The following PITPNC1 variants were observed in gnomAD, a reference collection of about 807,000 sequenced individuals.
The protein encoded by PITPNC1 is cytoplasmic phosphatidylinositol transfer protein 1.
In PITPNC1, 18 loss-of-function variants were observed where a neutral mutation model predicts 44.7. The ratio of observed to expected loss-of-function variants is 0.40; its 90% CI spans 0.28 to 0.60. The LOEUF (loss-of-function observed/expected upper bound fraction) is 0.60, where lower values mean the gene tolerates loss of function less well. PITPNC1 is among the 20% of genes least tolerant of loss of function. PITPNC1 has a pLI of 0.39. For synonymous variants in PITPNC1, 141 were observed against 149.6 expected (o/e 0.94, Z 0.42); for missense variants, 290 against 418.4 (o/e 0.69, Z 2.68).
chr17:67,592,587 C>T (rs1333255582), intron 5 of PITPNC1, among the ~76,000 whole-genome samples: 1 of 152,126 alleles, frequency 6.6e-6, no homozygotes, highest in Non-Finnish European at 1.5e-5. Flanking sequence ...ATAACAAAAT[C>T]ATATGAAAGA....
intron 8 of PITPNC1, among the ~76,000 whole-genome samples, chr17:67,690,826 T>C (rs905151299): frequency 3.9e-5 from 6 of 152,040 alleles, no homozygotes; most frequent in African/African-American, 1.4e-4. Context: ...GTAATAAGGC[T>C]GGGCACGGTG....
At chr17:67,449,265 G>A (rs921158712) in intron 1 of PITPNC1, among the ~76,000 whole-genome samples, 8 of 152,046 alleles carry the variant, frequency 5.3e-5, no homozygotes, top group Non-Finnish European at 1.0e-4. Flanking sequence ...TTCCTTTTCC[G>A]TGTTCTAGTT....
At chr17:67,493,358 C>T (rs1306628592) in intron 1 of PITPNC1, among the ~76,000 whole-genome samples, 1 of 152,188 alleles carries the variant, frequency 6.6e-6, no homozygotes, top group Non-Finnish European at 1.5e-5. Context: ...TAACCCATCG[C>T]TGGAGTGATG....
At chr17:67,567,856 C>T (rs565946183) in intron 4 of PITPNC1, among the ~76,000 whole-genome samples, 2 of 152,118 alleles carry the variant, frequency 1.3e-5, no homozygotes, top group South Asian at 2.1e-4. Flanking sequence ...GCCTGTAATC[C>T]CAGCTAGTCT....
intron 1 of PITPNC1, chr17:67,379,495 C>G: frequency 2.3e-6 from 1 of 430,894 alleles, no homozygotes; most frequent in Non-Finnish European, 3.1e-6. Context: ...CAGCTTCCAC[C>G]AGAATGAACA....
chr17:67,487,074 A>G (rs1178809916), intron 1 of PITPNC1, among the ~76,000 whole-genome samples: 1 of 152,174 alleles, frequency 6.6e-6, no homozygotes. Flanking sequence ...ATGTAGCTGT[A>G]TGAAAAAGAA....
intron 6 of PITPNC1, among the ~76,000 whole-genome samples, chr17:67,639,985 G>T (rs1380506891): frequency 6.6e-6 from 1 of 152,136 alleles, no homozygotes; most frequent in East Asian, 1.9e-4. Flanking sequence ...TTTGAGGGTG[G>T]TAAAGATTTT....
At chr17:67,507,554 A>G (rs1262216027) in intron 1 of PITPNC1, among the ~76,000 whole-genome samples, 2 of 151,696 alleles carry the variant, frequency 1.3e-5, no homozygotes, top group African/African-American at 2.4e-5. Context: ...GCGTGGTGGC[A>G]TGCATTTATA....
intron 1 of PITPNC1, among the ~76,000 whole-genome samples, chr17:67,428,538 G>GAAAAAAA (rs1218683922): frequency 1.1e-5 from 1 of 89,610 alleles, no homozygotes. Flanking sequence ...ATCTCAAAAA[G>GAAAAAAA]AAAAAAAAAA....
At chr17:67,635,856 G>C (rs1309382725) in intron 6 of PITPNC1, among the ~76,000 whole-genome samples, 1 of 152,160 alleles carries the variant, frequency 6.6e-6, no homozygotes, top group Non-Finnish European at 1.5e-5. Flanking sequence ...CTCAACTGGG[G>C]GTGATTATTG....
chr17:67,640,538 C>T (rs1353216271), intron 6 of PITPNC1, among the ~76,000 whole-genome samples: 3 of 150,798 alleles, frequency 2.0e-5, no homozygotes, highest in Admixed American at 6.6e-5. Flanking sequence ...AAATTAGCCA[C>T]GTATGGTGGC....
At chr17:67,585,566 G>C (rs1028668027) in intron 5 of PITPNC1, among the ~76,000 whole-genome samples, 1 of 152,144 alleles carries the variant, frequency 6.6e-6, no homozygotes, top group African/African-American at 2.4e-5. Context: ...ACTTTGGGAG[G>C]CTGAGGCGGG....
intron 1 of PITPNC1, among the ~76,000 whole-genome samples, chr17:67,513,402 T>C (rs373769820): frequency 1.2e-3 from 112 of 94,548 alleles, no homozygotes; most frequent in African/African-American, 3.7e-3. Flanking sequence ...TCTATATCTA[T>C]ATCTACATCT....
Position 67,378,106 on chromosome 17 carries a change from T to G in PITPNC1, c.-49T>G. On this transcript the variant is annotated 5_prime_UTR_variant, in exon 1 of 9. Coordinates refer to ENST00000581322, the MANE Select transcript of PITPNC1 (RefSeq NM_012417.4). ...GCCTGGGCAGCAGCCTTGCTGGTCT[T>G]GGGGGCGCCCCCCGCTTCCCGCCCC... is the stretch of plus-strand genomic sequence containing the variant. 1 of 1,410,888 alleles carries G rather than the reference T, an allele frequency of 7.1e-7. No homozygotes were observed. The highest frequency in any genetic ancestry group is 9.6e-7 in the Non-Finnish European group (1 of 1,042,988). The allele number at this position is 1,410,888 out of a possible 1,614,324, so 87.4% of individuals were successfully genotyped here.
intron 1 of PITPNC1, among the ~76,000 whole-genome samples, chr17:67,510,848 C>T (rs1171045543): frequency 6.6e-6 from 1 of 152,132 alleles, no homozygotes; most frequent in Non-Finnish European, 1.5e-5. Flanking sequence ...CTCTCTTCCC[C>T]ACTACTCAGG....
intron 2 of PITPNC1, among the ~76,000 whole-genome samples, chr17:67,537,002 T>TA (rs1477215180): frequency 6.6e-6 from 1 of 152,180 alleles, no homozygotes; most frequent in Non-Finnish European, 1.5e-5. Context: ...AAAAGACACT[T>TA]ATAGGCCAAT....
intron 8 of PITPNC1, among the ~76,000 whole-genome samples, chr17:67,682,514 G>A (rs2042729802): frequency 6.6e-6 from 1 of 152,134 alleles, no homozygotes. Flanking sequence ...CTGAAGGAGA[G>A]CAAGAAAGAG....
chr17:67,551,803 G>C (rs942072853), intron 2 of PITPNC1, among the ~76,000 whole-genome samples: 1 of 152,162 alleles, frequency 6.6e-6, no homozygotes, highest in Non-Finnish European at 1.5e-5. Context: ...CTCTCTGTTG[G>C]TTTTGTCCAT....
chr17:67,545,034 G>A (rs7215222), intron 2 of PITPNC1, among the ~76,000 whole-genome samples: 87,886 of 152,030 alleles, frequency 0.58, 25,704 homozygotes, highest in East Asian at 0.78. Context: ...TATTGAGGCC[G>A]GGTGTGGTGG....
Sources: gnomAD v4.1 joint callset for allele counts (sites outside exome capture counted in the v4.1 genomes callset) on GRCh38, gnomAD v4.1.1 for gene constraint, MANE v1.5 for transcripts, NCBI Gene and HGNC (gene_info 2026-07-23, HGNC 2026-07-21) for gene names.